TAMM41: variants seen among roughly 807,000 people sequenced by gnomAD.
TAMM41 encodes phosphatidate cytidylyltransferase, mitochondrial.
TAMM41 carries 36 observed loss-of-function variants against 44.1 expected under a neutral mutation model. The observed-to-expected ratio is 0.82, with a 90% confidence interval of 0.63 to 1.08. The LOEUF (loss-of-function observed/expected upper bound fraction) is 1.08. Among genes scored for constraint, TAMM41 ranks in the 50% least tolerant of loss-of-function variants. The pLI is 0.00. For missense variants in TAMM41, 417 were observed against 404.3 expected, an observed-to-expected ratio of 1.03 and a Z score of -0.27; for synonymous variants, 164 against 153.1, an observed-to-expected ratio of 1.07 and a Z score of -0.53.
rs897803710 is a variant in TAMM41, at chr3:11,840,379, C to T, written c.319-1065G>A. 4.6e-5 allele frequency among the ~76,000 whole-genome samples: 7 copies of T among 151,966 alleles called. No individual in the cohort carries two copies. In the South Asian group the frequency reaches 8.3e-4, roughly 18 times the overall value. On this transcript the variant is annotated intron_variant, in intron 2 of 7. Coordinates refer to ENST00000455809, the MANE Select transcript of TAMM41 (RefSeq NM_001284401.2). ...TCCTGAGTAGCTGGGATTACAGGCA[C>T]GCGGTACCACATCTGGCTAATTTTT... is the stretch of plus-strand genomic sequence containing the variant.
At chr3:11,772,305 TCTC>T in the TAMM41 span, among the ~76,000 whole-genome samples, 1 of 151,006 alleles carries the variant, frequency 6.6e-6, no homozygotes, top group African/African-American at 2.4e-5. Flanking sequence ...ATGGTCTTCA[TCTC>T]CTGACCTCGT....
At chr3:11,843,707 A>G (rs2079548416) in intron 2 of TAMM41, 1 of 218,990 alleles carries the variant, frequency 4.6e-6, no homozygotes, top group African/African-American at 2.3e-5. Flanking sequence ...CAAGAGCAAA[A>G]CTCCGTCTCA....
chr3:11,833,132 TG>T, intron 3 of TAMM41: 1 of 1,285,424 alleles, frequency 7.8e-7, no homozygotes, highest in Non-Finnish European at 1.0e-6. Context: ...AGTGAACTCT[TG>T]GGACACTGCC....
chr3:11,772,938 G>C, the TAMM41 span, among the ~76,000 whole-genome samples: 1 of 152,022 alleles, frequency 6.6e-6, no homozygotes. Context: ...GTATACTCTT[G>C]ATTCAAACTC....
the TAMM41 span, among the ~76,000 whole-genome samples, chr3:11,726,284 A>G: frequency 6.6e-6 from 1 of 152,164 alleles, no homozygotes; most frequent in Non-Finnish European, 1.5e-5. Flanking sequence ...TCTAGTTCAC[A>G]CTCCTCTCTA....
At chr3:11,779,284 A>T in the TAMM41 span, among the ~76,000 whole-genome samples, 3 of 152,210 alleles carry the variant, frequency 2.0e-5, no homozygotes, top group African/African-American at 4.8e-5. Context: ...TCACGAGCCA[A>T]ATAAACCTTT....
At chr3:11,761,165 C>CA in the TAMM41 span, among the ~76,000 whole-genome samples, 5,204 of 106,072 alleles carry the variant, frequency 0.049, 114 homozygotes, top group Middle Eastern at 0.065. Flanking sequence ...GACTCTGTCT[C>CA]AAAAAAAAAA....
At chr3:11,779,243 T>C in the TAMM41 span, among the ~76,000 whole-genome samples, 1 of 152,172 alleles carries the variant, frequency 6.6e-6, no homozygotes, top group Non-Finnish European at 1.5e-5. Context: ...CAGATGCAGA[T>C]GCCCAATCTT....
chr3:11,733,147 T>C, the TAMM41 span, among the ~76,000 whole-genome samples: 19 of 150,324 alleles, frequency 1.3e-4, no homozygotes, highest in African/African-American at 4.4e-4. Flanking sequence ...TACAGGCGCC[T>C]GCCACCATGC....
intron 7 of TAMM41, among the ~76,000 whole-genome samples, chr3:11,803,392 A>C (rs904838238): frequency 2.0e-5 from 3 of 150,926 alleles, no homozygotes; most frequent in African/African-American, 7.3e-5. Context: ...TCTGTCTCAC[A>C]AAAAAAAACA....
chr3:11,753,014 C>T, the TAMM41 span, among the ~76,000 whole-genome samples: 2,338 of 151,966 alleles, frequency 0.015, 35 homozygotes, highest in Middle Eastern at 0.027. Flanking sequence ...GAGTACATGT[C>T]CGAAGGGGTT....
intron 5 of TAMM41, among the ~76,000 whole-genome samples, chr3:11,813,828 A>ATGTGTGTGTGTG (rs143683206): frequency 0.016 from 2,264 of 142,904 alleles, 27 homozygotes; most frequent in Admixed American, 0.029. Flanking sequence ...GTACAAATAT[A>ATGTGTGTGTGTG]TGTGTGTGTG....
chr3:11,806,987 T>TAA (rs1237068584), intron 7 of TAMM41, among the ~76,000 whole-genome samples: 2 of 152,160 alleles, frequency 1.3e-5, no homozygotes, highest in Non-Finnish European at 2.9e-5. Flanking sequence ...GCCTAAGTAT[T>TAA]AACTATGGGT....
At chr3:11,814,728 C>T (rs2078218475) in intron 5 of TAMM41, among the ~76,000 whole-genome samples, 8 of 152,154 alleles carry the variant, frequency 5.3e-5, no homozygotes, top group Admixed American at 4.6e-4. Flanking sequence ...TTTGGAAGAC[C>T]AAGGTGGGAG....
downstream of TAMM41, among the ~76,000 whole-genome samples, chr3:11,788,335 C>T (rs915102722): frequency 6.6e-6 from 1 of 152,188 alleles, no homozygotes; most frequent in African/African-American, 2.4e-5. Flanking sequence ...CATTTTGTCG[C>T]CCAGGCTGGA....
intron 4 of TAMM41, among the ~76,000 whole-genome samples, chr3:11,827,562 G>T (rs1354150493): frequency 6.7e-6 from 1 of 148,562 alleles, no homozygotes; most frequent in African/African-American, 2.5e-5. Context: ...GCCTGCCTTG[G>T]CCTCTCAAAT....
the TAMM41 span, among the ~76,000 whole-genome samples, chr3:11,783,576 G>A: frequency 6.6e-6 from 1 of 152,216 alleles, no homozygotes; most frequent in Admixed American, 6.5e-5. Context: ...AAATCAGGAC[G>A]ATGTCATTTG....
chr3:11,812,368 GAC>G (rs1322465022), intron 5 of TAMM41, among the ~76,000 whole-genome samples: 2 of 152,214 alleles, frequency 1.3e-5, no homozygotes, highest in Admixed American at 1.3e-4. Context: ...ACAGCCTGAA[GAC>G]ACTGTCCTGC....
intron 3 of TAMM41, among the ~76,000 whole-genome samples, chr3:11,832,319 T>C (rs1437694565): frequency 2.7e-5 from 4 of 148,504 alleles, no homozygotes; most frequent in Non-Finnish European, 5.9e-5. Context: ...AAAAAGCAAA[T>C]GTTGAATTTG....
Sources: gnomAD v4.1 joint callset for allele counts (sites outside exome capture counted in the v4.1 genomes callset) on GRCh38, gnomAD v4.1.1 for gene constraint, MANE v1.5 for transcripts, NCBI Gene and HGNC (gene_info 2026-07-23, HGNC 2026-07-21) for gene names.